Variants in SGCZ observed in about 807,000 individuals in gnomAD.
SGCZ encodes the protein sarcoglycan zeta, also known as zeta-sarcoglycan.
Under a neutral mutation model 41.3 loss-of-function variants are expected in SGCZ, and 40 were observed. The ratio of observed to expected loss-of-function variants is 0.97; its 90% CI spans 0.75 to 1.26. The LOEUF is 1.26. Ranked by LOEUF, SGCZ falls within the 50% of genes most tolerant of loss-of-function variation. The pLI is 0.00. For synonymous variants in SGCZ, 206 were observed against 137.5 expected (o/e 1.50, Z -3.49); for missense variants, 552 against 369.8 (o/e 1.49, Z -4.04).
At chr8:14,546,876 T>C (rs557646541) in intron 2 of SGCZ, among the ~76,000 whole-genome samples, 2 of 152,306 alleles carry the variant, frequency 1.3e-5, no homozygotes, top group African/African-American at 2.4e-5. Context: ...CCCATGCTTT[T>C]ACTCTTGTTC....
intron 1 of SGCZ, among the ~76,000 whole-genome samples, chr8:14,684,052 C>A (rs372342816): frequency 2.0e-5 from 3 of 152,126 alleles, no homozygotes; most frequent in African/African-American, 7.2e-5. Flanking sequence ...GTATACAGTC[C>A]TAGAGATTAT....
At chr8:14,872,057 C>G (rs1275336704) in intron 1 of SGCZ, among the ~76,000 whole-genome samples, 1 of 151,732 alleles carries the variant, frequency 6.6e-6, no homozygotes, top group African/African-American at 2.4e-5. Context: ...TCTCAGCAAA[C>G]TAACACAGGA....
intron 2 of SGCZ, among the ~76,000 whole-genome samples, chr8:14,516,215 G>A (rs1563379998): frequency 6.6e-6 from 1 of 151,622 alleles, no homozygotes; most frequent in African/African-American, 2.4e-5. Context: ...ATGGTAATCA[G>A]GTTTGCTGTA....
chr8:15,038,095 AT>A (rs1305485835), intron 1 of SGCZ, among the ~76,000 whole-genome samples: 6 of 30,912 alleles, frequency 1.9e-4, no homozygotes, highest in Non-Finnish European at 6.4e-4. Flanking sequence ...AAACAGAAAT[AT>A]AAAAAAAAAT....
In SGCZ at chr8:14,781,778, C is replaced by T. The variant is rs1800595373; in HGVS notation, c.40-226852G>A. 4.6e-5 allele frequency among the ~76,000 whole-genome samples: 7 copies of T among 152,220 alleles called. 1 individual carries two copies. The Middle Eastern group carries it at 0.014, about 296-fold the overall frequency. ...GAGCATCAAATCACTGCCTAGCCTA[C>T]CTTAAATATGCCTACAACACTTACA... is the stretch of plus-strand genomic sequence containing the variant. On this transcript the variant is annotated intron_variant, in intron 1 of 7. Transcript: ENST00000382080.
intron 4 of SGCZ, among the ~76,000 whole-genome samples, chr8:14,221,709 G>T (rs927176320): frequency 1.3e-5 from 2 of 152,144 alleles, no homozygotes; most frequent in Admixed American, 6.5e-5. Context: ...ACCGAGGAAG[G>T]CAGATCACCT....
intron 1 of SGCZ, among the ~76,000 whole-genome samples, chr8:14,845,648 T>G (rs933826083): frequency 1.3e-5 from 2 of 152,146 alleles, no homozygotes; most frequent in Non-Finnish European, 2.9e-5. Context: ...GGAAAAACGA[T>G]GCCCAAATTG....
At chr8:14,199,223 C>G (rs1013882989) in intron 4 of SGCZ, among the ~76,000 whole-genome samples, 9 of 152,154 alleles carry the variant, frequency 5.9e-5, no homozygotes, top group Non-Finnish European at 4.4e-5. Flanking sequence ...GGGGAGGACT[C>G]TGAAATGGCT....
intron 1 of SGCZ, among the ~76,000 whole-genome samples, chr8:14,937,406 C>T (rs1800118638): frequency 6.6e-6 from 1 of 151,922 alleles, no homozygotes; most frequent in Non-Finnish European, 1.5e-5. Context: ...AGCACAGATC[C>T]ATGTTGTTTT....
At chr8:15,209,283 A>G (rs1280479132) in intron 1 of SGCZ, among the ~76,000 whole-genome samples, 1 of 152,110 alleles carries the variant, frequency 6.6e-6, no homozygotes, top group African/African-American at 2.4e-5. Context: ...TTTCACTTTC[A>G]TAATGAATGT....
chr8:15,149,234 T>C (rs1375836294), intron 1 of SGCZ, among the ~76,000 whole-genome samples: 1 of 152,070 alleles, frequency 6.6e-6, no homozygotes, highest in Non-Finnish European at 1.5e-5. Flanking sequence ...TTAAATCCTA[T>C]ATGGGATGAG....
chr8:14,578,054 C>G (rs1051183498), intron 1 of SGCZ, among the ~76,000 whole-genome samples: 4 of 152,174 alleles, frequency 2.6e-5, no homozygotes, highest in African/African-American at 9.7e-5. Flanking sequence ...TCCTTGTGCA[C>G]CATTCCTTAC....
At chr8:14,318,702 A>T (rs190017197) in intron 3 of SGCZ, among the ~76,000 whole-genome samples, 8 of 152,128 alleles carry the variant, frequency 5.3e-5, no homozygotes, top group Non-Finnish European at 1.0e-4. Context: ...TCAAAACCTC[A>T]GAAGAGACAG....
intron 1 of SGCZ, among the ~76,000 whole-genome samples, chr8:15,191,903 C>T (rs370722643): frequency 2.0e-5 from 3 of 152,112 alleles, no homozygotes; most frequent in Admixed American, 1.3e-4. Context: ...CGCTTAAGGG[C>T]TCAGATTGCT....
chr8:14,551,571 T>TAAA, intron 2 of SGCZ, among the ~76,000 whole-genome samples: 1 of 16,132 alleles, frequency 6.2e-5, no homozygotes, highest in African/African-American at 3.7e-4. Flanking sequence ...ATATATATAA[T>TAAA]ATATATATAA....
chr8:14,831,646 A>G (rs76775749), intron 1 of SGCZ, among the ~76,000 whole-genome samples: 20,539 of 108,458 alleles, frequency 0.19, 2,354 homozygotes, highest in African/African-American at 0.4. Context: ...GTGTGTGTGT[A>G]TATATATATA....
At chr8:14,947,741 G>A (rs986944234) in intron 1 of SGCZ, among the ~76,000 whole-genome samples, 36 of 152,138 alleles carry the variant, frequency 2.4e-4, no homozygotes, top group African/African-American at 8.4e-4. Context: ...TACCTCACAA[G>A]GATCCTGTAA....
chr8:14,847,834 CAAGT>C (rs1279564646), intron 1 of SGCZ, among the ~76,000 whole-genome samples: 1 of 143,350 alleles, frequency 7.0e-6, no homozygotes, highest in Non-Finnish European at 1.5e-5. Context: ...TCTAATATCA[CAAGT>C]AAGTCAAGCT....
intron 1 of SGCZ, among the ~76,000 whole-genome samples, chr8:15,231,767 G>A (rs1801948505): frequency 1.3e-5 from 2 of 151,742 alleles, no homozygotes; most frequent in South Asian, 2.1e-4. Flanking sequence ...GAGTACAGAA[G>A]CACACCACCA....
Sources: gnomAD v4.1 joint callset for allele counts (sites outside exome capture counted in the v4.1 genomes callset) on GRCh38, gnomAD v4.1.1 for gene constraint, MANE v1.5 for transcripts, NCBI Gene and HGNC (gene_info 2026-07-23, HGNC 2026-07-21) for gene names.